JAZF1: variants seen among roughly 807,000 people sequenced by gnomAD.
The protein encoded by JAZF1 is juxtaposed with another zinc finger protein 1.
JAZF1 carries 8 observed loss-of-function variants against 26.4 expected under a neutral mutation model. That is an observed-to-expected ratio of 0.30 (90% CI 0.18 to 0.55). The LOEUF (loss-of-function observed/expected upper bound fraction) is 0.55. Ranked by LOEUF, JAZF1 falls within the 20% of genes least tolerant of loss-of-function variation. The pLI is 0.94. For synonymous variants in JAZF1, 126 were observed against 122.3 expected (o/e 1.03, Z -0.20); for missense variants, 199 against 322.0 (o/e 0.62, Z 2.92).
At chr7:28,162,381 AAGTTTCATCCTC>A (rs1473503373) in intron 1 of JAZF1, among the ~76,000 whole-genome samples, 1 of 152,210 alleles carries the variant, frequency 6.6e-6, no homozygotes, top group African/African-American at 2.4e-5. Flanking sequence ...CAGGAACACA[AAGTTTCATCCTC>A]AGGCCCCAGA....
At chr7:27,865,894 A>G (rs1457311111) in intron 3 of JAZF1, among the ~76,000 whole-genome samples, 2 of 152,200 alleles carry the variant, frequency 1.3e-5, no homozygotes. Context: ...CTTTGTGAAT[A>G]TTCTCAAGGG....
chr7:28,092,635 G>A (rs1784321623), intron 1 of JAZF1, among the ~76,000 whole-genome samples: 1 of 152,010 alleles, frequency 6.6e-6, no homozygotes, highest in East Asian at 1.9e-4. Context: ...TTGAGCCCAG[G>A]AGTTCAAGTC....
chr7:27,894,745 T>TC (rs545050875), intron 3 of JAZF1, among the ~76,000 whole-genome samples: 2 of 152,130 alleles, frequency 1.3e-5, no homozygotes, highest in African/African-American at 2.4e-5. Flanking sequence ...AGACAAGGAC[T>TC]CCCCCTTCTT....
At chr7:27,972,433 TG>T (rs1450831578) in intron 2 of JAZF1, among the ~76,000 whole-genome samples, 1 of 151,932 alleles carries the variant, frequency 6.6e-6, no homozygotes, top group African/African-American at 2.4e-5. Context: ...GGAAGGAGGA[TG>T]GGGGTAAGAG....
chr7:28,119,537 C>A (rs960916690), intron 1 of JAZF1, among the ~76,000 whole-genome samples: 2 of 152,162 alleles, frequency 1.3e-5, no homozygotes, highest in African/African-American at 4.8e-5. Flanking sequence ...TGCCACTCAT[C>A]TATTTCAGAC....
At chr7:27,930,934 C>T (rs1384549152) in intron 2 of JAZF1, among the ~76,000 whole-genome samples, 1 of 152,108 alleles carries the variant, frequency 6.6e-6, no homozygotes, top group African/African-American at 2.4e-5. Context: ...GAAGTTTTCC[C>T]ATCACTTTGC....
chr7:28,091,106 G>A (rs2127921794), intron 1 of JAZF1, among the ~76,000 whole-genome samples: 1 of 152,060 alleles, frequency 6.6e-6, no homozygotes, highest in Admixed American at 6.5e-5. Flanking sequence ...GATTACAGGC[G>A]TGAGCCACCG....
intron 3 of JAZF1, among the ~76,000 whole-genome samples, chr7:27,892,147 A>G (rs1783984519): frequency 6.6e-6 from 1 of 152,218 alleles, no homozygotes; most frequent in South Asian, 2.1e-4. Context: ...TACAGGTAAA[A>G]TAACATTCCA....
rs370782085 is a variant in JAZF1, at chr7:28,038,731, C to T, written c.116-46750G>A. ...CCAACCAAACAGAATTCCAGATGAG[C>T]TGAAGCTTTTCCTTTCCATATGACT... On this transcript the variant is annotated intron_variant, in intron 1 of 4. Transcript: ENST00000283928. Among the ~76,000 whole-genome samples the T allele has an allele frequency of 2.0e-5, 3 of 152,144 alleles. No homozygotes were observed. The South Asian group carries it at 6.2e-4, about 31-fold the overall frequency.
intron 2 of JAZF1, among the ~76,000 whole-genome samples, chr7:27,901,212 C>T (rs768812212): frequency 6.6e-5 from 10 of 152,180 alleles, no homozygotes; most frequent in Non-Finnish European, 1.0e-4. Context: ...AACTTCCCTA[C>T]AAATCAGAAA....
rs776445026 is a variant in JAZF1 at position 28,109,839 on chromosome 7, AC to A, written c.115+70623del. ...ATCTCCCGAAGGCCAAACAGGGCCA[AC>A]AACTGAAGAGAGAATCAGCCAAGCC... On this transcript the variant is annotated intron_variant, in intron 1 of 4. Transcript: ENST00000283928. Among the ~76,000 whole-genome samples the A allele has an allele frequency of 4.1e-4, 62 of 152,318 alleles. No individual in the cohort carries two copies. In the Middle Eastern group the frequency reaches 0.01, roughly 25 times the overall value.
At chr7:27,948,885 T>A (rs1448002401) in intron 2 of JAZF1, among the ~76,000 whole-genome samples, 7 of 152,222 alleles carry the variant, frequency 4.6e-5, no homozygotes, top group East Asian at 1.9e-4. Context: ...ATGTCAGTGA[T>A]TAGAAAACTG....
intron 1 of JAZF1, among the ~76,000 whole-genome samples, chr7:28,152,502 A>C (rs1050522899): frequency 1.3e-5 from 2 of 152,212 alleles, no homozygotes; most frequent in African/African-American, 2.4e-5. Context: ...CATTTCTTCT[A>C]ATACTCAATG....
chr7:27,918,725 G>A (rs2040667), intron 2 of JAZF1, among the ~76,000 whole-genome samples: 150,843 of 152,292 alleles, frequency 0.99, 74,713 homozygotes, highest in East Asian at 1. Flanking sequence ...TTTACCACCT[G>A]TGCAAATTTC....
chr7:27,837,908 AG>A (rs371301022), intron 4 of JAZF1, among the ~76,000 whole-genome samples: 2 of 152,276 alleles, frequency 1.3e-5, no homozygotes, highest in African/African-American at 4.8e-5. Flanking sequence ...GGGAGATCAA[AG>A]GTTAACCAAT....
chr7:27,992,576 CAA>C (rs1470237169), intron 1 of JAZF1, among the ~76,000 whole-genome samples: 1 of 152,130 alleles, frequency 6.6e-6, no homozygotes, highest in Non-Finnish European at 1.5e-5. Context: ...CTTTTCCCCT[CAA>C]AGAGACAGAA....
intron 1 of JAZF1, among the ~76,000 whole-genome samples, chr7:28,033,862 G>A (rs1783235326): frequency 1.3e-5 from 2 of 152,084 alleles, no homozygotes; most frequent in African/African-American, 4.8e-5. Context: ...CCCTGCCTCA[G>A]CCTCCTGAGT....
intron 4 of JAZF1, among the ~76,000 whole-genome samples, chr7:27,837,434 T>C (rs1583422721): frequency 6.6e-6 from 1 of 152,226 alleles, no homozygotes; most frequent in African/African-American, 2.4e-5. Context: ...CATTTCCCCG[T>C]TCCCATGGGC....
intron 3 of JAZF1, among the ~76,000 whole-genome samples, chr7:27,883,815 T>A (rs1437707121): frequency 6.6e-6 from 1 of 152,240 alleles, no homozygotes; most frequent in Non-Finnish European, 1.5e-5. Context: ...TTCTTTATCT[T>A]TTCTTCTCTG....
Sources: gnomAD v4.1 joint callset for allele counts (sites outside exome capture counted in the v4.1 genomes callset) on GRCh38, gnomAD v4.1.1 for gene constraint, MANE v1.5 for transcripts, NCBI Gene and HGNC (gene_info 2026-07-23, HGNC 2026-07-21) for gene names.